Variants in PLXNA4 observed in about 807,000 individuals in gnomAD.
PLXNA4 encodes plexin A4, also known as plexin-A4.
Under a neutral mutation model 191.8 loss-of-function variants are expected in PLXNA4, and 44 were observed. The observed-to-expected ratio is 0.23, with a 90% CI of 0.18 to 0.29. PLXNA4 has a LOEUF of 0.29. PLXNA4 is among the 10% of genes least tolerant of loss of function. The pLI is 1.00. For missense variants in PLXNA4, 1,800 were observed against 2,488.8 expected (o/e 0.72, Z 5.89); for synonymous variants, 1,082 against 1,009.5 (o/e 1.07, Z -1.36).
chr7:132,291,620 G>A (rs935246216), intron 4 of PLXNA4, among the ~76,000 whole-genome samples: 2 of 152,138 alleles, frequency 1.3e-5, no homozygotes, highest in African/African-American at 2.4e-5. Context: ...ATATGCACAT[G>A]TGTACACACA....
upstream of PLXNA4, chr7:132,576,743 A>G: frequency 3.0e-6 from 1 of 338,002 alleles, no homozygotes; most frequent in South Asian, 1.2e-4. The surrounding 1 kb of genome is among the most constrained non-coding windows in gnomAD (Gnocchi z 5.8). Flanking sequence ...CCAGCCCCGG[A>G]GCCCGAGCAG....
intron 4 of PLXNA4, among the ~76,000 whole-genome samples, chr7:132,290,128 C>T (rs774366040): frequency 2.1e-4 from 32 of 152,310 alleles, no homozygotes; most frequent in Non-Finnish European, 4.4e-4. Flanking sequence ...CTGCAGGAGT[C>T]CCCCAGCACC....
intron 1 of PLXNA4, among the ~76,000 whole-genome samples, chr7:132,540,086 C>A (rs905666856): frequency 1.7e-4 from 26 of 152,306 alleles, no homozygotes; most frequent in East Asian, 1.5e-3. Context: ...GTCAGGGATG[C>A]TCCTCTTGCA....
intron 2 of PLXNA4, among the ~76,000 whole-genome samples, chr7:132,498,741 C>A (rs1414917916): frequency 1.3e-5 from 2 of 152,124 alleles, no homozygotes; most frequent in Non-Finnish European, 2.9e-5. Context: ...TCTCAAGAAC[C>A]AAGAGCTTTG....
At chr7:132,640,296 C>T (rs1803713722) in intron 2 of PLXNA4, among the ~76,000 whole-genome samples, 1 of 152,172 alleles carries the variant, frequency 6.6e-6, no homozygotes. Context: ...TTTCAGGGAT[C>T]TTTCAATTGG....
intron 28 of PLXNA4, among the ~76,000 whole-genome samples, chr7:132,145,697 C>T (rs1172821434): frequency 6.6e-6 from 1 of 152,050 alleles, no homozygotes; most frequent in Non-Finnish European, 1.5e-5. Context: ...CTTGGCTCTG[C>T]AGAGAGCAGA....
rs755349989 is a variant in PLXNA4 at position 132,241,146 on chromosome 7, C to T, written c.1524G>A (p.Glu508=). 1.9e-6 allele frequency: 3 copies of T among 1,612,724 alleles called. No homozygotes were observed. The highest frequency in any genetic ancestry group is 1.3e-5 in the African/African-American group (1 of 75,034). Residue 508 remains glutamate, a synonymous_variant, in exon 5 of 32, where the codon GAG becomes GAA. Coordinates refer to ENST00000321063, the MANE Select transcript of PLXNA4 (RefSeq NM_020911.2). ...SERQLTRVPV[E]SCGQYQSCGE... ...CGCAGCTCTGATACTGACCACAGGA[C>T]TCCACAGGGACTCTGGTGAGCTAGG...
At chr7:132,226,139 G>A (rs374870235) in intron 8 of PLXNA4, 22 bp downstream of exon 8, 2 of 1,597,778 alleles carry the variant, frequency 1.3e-6, no homozygotes, top group East Asian at 2.2e-5. Flanking sequence ...AACGGGAAGT[G>A]GGTAAGGCTG....
intron 21 of PLXNA4, among the ~76,000 whole-genome samples, chr7:132,169,488 A>T (rs1375495636): frequency 1.3e-5 from 2 of 152,212 alleles, no homozygotes; most frequent in Admixed American, 6.5e-5. Context: ...GGTGTATTCC[A>T]CCCAATGGAT....
At chr7:132,159,449 C>A in intron 25 of PLXNA4, 24 bp downstream of exon 25, 10 of 1,612,466 alleles carry the variant, frequency 6.2e-6, no homozygotes, top group African/African-American at 1.3e-5. Context: ...ACAAGGACAG[C>A]CCCTGGGTGG....
rs57520771 is a variant in PLXNA4, at chr7:132,393,765, G to A, written c.1371+95527C>T. On this transcript the variant is annotated intron_variant, in intron 3 of 31. Coordinates refer to ENST00000321063, the MANE Select transcript of PLXNA4 (RefSeq NM_020911.2). ...CTGATTCCATGTAAGAGAGAAACTGGACATTTAGAGGCTTGAAGTTCAGCC... is the reference window on the plus strand; with the variant it reads ...CTGATTCCATGTAAGAGAGAAACTGAACATTTAGAGGCTTGAAGTTCAGCC... Among the ~76,000 whole-genome samples the A allele has an allele frequency of 4.3e-3, 649 of 152,250 alleles. 4 individuals carry two copies. The highest frequency in any genetic ancestry group is 0.015 in the African/African-American group (626 of 41,538).
At chr7:132,278,970 C>T (rs900098222) in intron 4 of PLXNA4, among the ~76,000 whole-genome samples, 2 of 152,186 alleles carry the variant, frequency 1.3e-5, no homozygotes, top group South Asian at 2.1e-4. Flanking sequence ...GATCGTGACT[C>T]GGCTGGCTCT....
At chr7:132,383,574 T>G (rs1804987094) in intron 3 of PLXNA4, 1 of 984,200 alleles carries the variant, frequency 1.0e-6, no homozygotes, top group Admixed American at 6.1e-5. Flanking sequence ...CTGAATGTTA[T>G]CACACAAGAA....
chr7:132,384,039 GAC>G, intron 3 of PLXNA4: 3 of 985,462 alleles, frequency 3.0e-6, no homozygotes, highest in Non-Finnish European at 3.6e-6. Context: ...TGGACAGTGA[GAC>G]ACAGAGGGGT....
chr7:132,261,725 C>G lies in PLXNA4; in HGVS notation c.1504-20559G>C, dbSNP rs369064875. On this transcript the variant is annotated intron_variant, in intron 4 of 31. Coordinates refer to ENST00000321063, the MANE Select transcript of PLXNA4 (RefSeq NM_020911.2). Reference sequence around the variant, plus strand: ...GCCTCGAGCAGTCCACTAAAAGAAACAGTTCCAGATGGTGCCTCCGAGCAC... The same window carrying G: ...GCCTCGAGCAGTCCACTAAAAGAAAGAGTTCCAGATGGTGCCTCCGAGCAC... 2.0e-5 allele frequency among the ~76,000 whole-genome samples: 3 copies of G among 152,232 alleles called. No homozygotes were observed. In the South Asian group the frequency reaches 6.2e-4, roughly 31 times the overall value.
chr7:132,383,666 A>T, intron 3 of PLXNA4: 1 of 982,690 alleles, frequency 1.0e-6, no homozygotes, highest in South Asian at 4.7e-5. Flanking sequence ...TTCTCCTATA[A>T]ATGAGTGTAT....
At chr7:132,394,154 T>C (rs1793648101) in intron 3 of PLXNA4, among the ~76,000 whole-genome samples, 2 of 152,286 alleles carry the variant, frequency 1.3e-5, no homozygotes, top group Middle Eastern at 3.4e-3. Flanking sequence ...TTTGTGCTCA[T>C]GCAAAGCTTG....
intron 3 of PLXNA4, among the ~76,000 whole-genome samples, chr7:132,378,876 G>A (rs1804773069): frequency 7.3e-6 from 1 of 137,426 alleles, no homozygotes; most frequent in Admixed American, 7.7e-5. Context: ...TTGAAATGGA[G>A]TCTCACTCTT....
intron 3 of PLXNA4, among the ~76,000 whole-genome samples, chr7:132,417,947 T>C (rs772406465): frequency 6.6e-6 from 1 of 152,220 alleles, no homozygotes; most frequent in South Asian, 2.1e-4. Flanking sequence ...GACTCTCTTC[T>C]TAGGTCACTT....
Sources: gnomAD v4.1 joint callset for allele counts (sites outside exome capture counted in the v4.1 genomes callset) on GRCh38, gnomAD v4.1.1 for gene constraint, Gnocchi (gnomAD v3.1) non-coding constraint, MANE v1.5 for transcripts, NCBI Gene and HGNC (gene_info 2026-07-23, HGNC 2026-07-21) for gene names.